Variants in U2SURP observed in about 807,000 individuals in gnomAD.
The protein encoded by U2SURP is U2 snRNP associated SURP domain containing.
Under a neutral mutation model 144.9 loss-of-function variants are expected in U2SURP, and 9 were observed. The observed-to-expected ratio is 0.06, with a 90% CI of 0.04 to 0.11. The LOEUF (loss-of-function observed/expected upper bound fraction) is 0.11. U2SURP is among the 10% of genes least tolerant of loss of function. The pLI, the probability that U2SURP is intolerant of heterozygous loss-of-function variation, is 1.00. For synonymous variants in U2SURP, 408 were observed against 396.8 expected (o/e 1.03, Z -0.33); for missense variants, 724 against 1,226.7 (o/e 0.59, Z 6.12).
intron 2 of U2SURP, chr3:143,012,010 T>C (rs1285571533): frequency 1.5e-6 from 1 of 677,808 alleles, no homozygotes. Flanking sequence ...GTTACCAATA[T>C]AAAATTCAAG....
At chr3:143,046,019 T>A (rs1475767622) in intron 24 of U2SURP, among the ~76,000 whole-genome samples, 1 of 152,202 alleles carries the variant, frequency 6.6e-6, no homozygotes. Flanking sequence ...AACCCTTTTA[T>A]TGGAGAACCA....
intron 25 of U2SURP, among the ~76,000 whole-genome samples, chr3:143,051,695 T>C (rs1464976931): frequency 6.7e-6 from 1 of 150,104 alleles, no homozygotes; most frequent in East Asian, 2.0e-4. Flanking sequence ...TTACAATCAC[T>C]ATAAAGCTGT....
intron 19 of U2SURP, among the ~76,000 whole-genome samples, chr3:143,035,614 A>G (rs1560194403): frequency 6.6e-6 from 1 of 152,170 alleles, no homozygotes; most frequent in South Asian, 2.1e-4. Flanking sequence ...TTATTGGACC[A>G]TAAGGGATTC....
chr3:143,044,059 C>G (rs893892308), intron 24 of U2SURP, among the ~76,000 whole-genome samples: 1 of 151,916 alleles, frequency 6.6e-6, no homozygotes, highest in Non-Finnish European at 1.5e-5. Context: ...GGCAAGAAAT[C>G]CATTTCATCT....
chr3:143,012,421 A>G, intron 3 of U2SURP, 68 bp downstream of exon 3: 5 of 1,393,526 alleles, frequency 3.6e-6, no homozygotes, highest in Non-Finnish European at 4.7e-6. Context: ...TCTTTGACTG[A>G]ATTTAGTGGT....
At chr3:143,011,332 T>G (rs1367352373) in intron 2 of U2SURP, among the ~76,000 whole-genome samples, 1 of 152,172 alleles carries the variant, frequency 6.6e-6, no homozygotes, top group Non-Finnish European at 1.5e-5. Context: ...TCAAGTAACA[T>G]TTTGGATAGA....
chr3:143,005,151 T>C (rs1419867067), intron 1 of U2SURP, among the ~76,000 whole-genome samples: 1 of 148,212 alleles, frequency 6.7e-6, no homozygotes, highest in Non-Finnish European at 1.5e-5. Context: ...CTTTTTTTTT[T>C]TTTTTCTTTT....
rs1403402036 is a variant in U2SURP, at chr3:143,058,083, G to A, written c.*1633G>A. ...TCAGAATAATTAAAAGTGAACATTTGGTGCTGATACTCAAAAACCTACAAA... is the reference window on the plus strand; with the variant it reads ...TCAGAATAATTAAAAGTGAACATTTAGTGCTGATACTCAAAAACCTACAAA... On this transcript the variant is annotated 3_prime_UTR_variant, in exon 28 of 28. Transcript: ENST00000473835. The A allele has an allele frequency of 6.6e-6, 1 of 152,288 alleles. No individual in the cohort carries two copies. The highest frequency in any genetic ancestry group is 2.4e-5 in the African/African-American group (1 of 41,398). The allele number at this position is 152,288 out of a possible 1,614,324, so 9.4% of individuals were successfully genotyped here.
In U2SURP at chr3:143,057,701, A is replaced by T. The variant is rs1395009140; in HGVS notation, c.*1251A>T. ...TCAGTTTTTTATGTAGGCACTTCATACACTGGTTTGATGGGTTTTTTTTTT... is the reference window on the plus strand; with the variant it reads ...TCAGTTTTTTATGTAGGCACTTCATTCACTGGTTTGATGGGTTTTTTTTTT... On this transcript the variant is annotated 3_prime_UTR_variant, in exon 28 of 28. Coordinates refer to ENST00000473835, the MANE Select transcript of U2SURP (RefSeq NM_001080415.2). The T allele has an allele frequency of 6.6e-6, 1 of 151,848 alleles. No individual in the cohort carries two copies. The highest frequency in any genetic ancestry group is 1.5e-5 in the Non-Finnish European group (1 of 67,810). 9.4% of individuals were successfully genotyped at this position (151,848 alleles called of 1,614,324 possible). A position where few individuals can be genotyped will look rare whatever the true frequency, so the allele number is the denominator to read the frequency against.
intron 24 of U2SURP, among the ~76,000 whole-genome samples, chr3:143,047,524 G>A (rs1446079909): frequency 5.3e-5 from 2 of 37,958 alleles, no homozygotes; most frequent in Non-Finnish European, 1.0e-4. Context: ...AGGGGCGGCC[G>A]GGCAGAGGAG....
chr3:143,002,266 C>A (rs1200183524), intron 1 of U2SURP: 2 of 152,230 alleles, frequency 1.3e-5, no homozygotes, highest in African/African-American at 4.9e-5. Context: ...GTGGTCTTTA[C>A]CTTAACGGGA....
In U2SURP at chr3:143,058,195, A is replaced by C. The variant is rs1935235833; in HGVS notation, c.*1745A>C. On this transcript the variant is annotated 3_prime_UTR_variant, in exon 28 of 28. Coordinates refer to ENST00000473835, the MANE Select transcript of U2SURP (RefSeq NM_001080415.2). ...TTATATAACTACCTTTCTTTGCAAA[A>C]ATAACGGTCGTGTCGAGTTGGTGGT... 1 of 152,310 alleles carries C rather than the reference A, an allele frequency of 6.6e-6. No individual in the cohort carries two copies. Among genetic ancestry groups the C allele is most frequent in the East Asian group, 1.9e-4 (1 of 5,202 alleles). 9.4% of individuals were successfully genotyped at this position (152,310 alleles called of 1,614,324 possible). A position where few individuals can be genotyped will look rare whatever the true frequency, so the allele number is the denominator to read the frequency against.
intron 6 of U2SURP, among the ~76,000 whole-genome samples, chr3:143,018,090 A>G (rs924588372): frequency 2.6e-5 from 4 of 152,164 alleles, no homozygotes; most frequent in African/African-American, 9.7e-5. Flanking sequence ...AAAGTGTACA[A>G]TTGAGTGGTT....
intron 21 of U2SURP, 56 bp from the exon 22 acceptor site, chr3:143,038,051 TA>T: frequency 7.8e-7 from 1 of 1,278,408 alleles, no homozygotes; most frequent in Non-Finnish European, 1.1e-6. Context: ...CCCATGAATG[TA>T]ATACTTCGGG....
At chr3:143,017,439 G>A (rs1320028622) in intron 6 of U2SURP, 2 of 151,904 alleles carry the variant, frequency 1.3e-5, no homozygotes, top group Non-Finnish European at 2.9e-5. Context: ...TTCTTTGAGG[G>A]TTTAGTTTTT....
chr3:143,033,186 C>T, intron 17 of U2SURP, 85 bp from the exon 18 acceptor site: 1 of 912,812 alleles, frequency 1.1e-6, no homozygotes, highest in Non-Finnish European at 1.7e-6. Flanking sequence ...CTTCATATAA[C>T]TCTTCTAATT....
In U2SURP at chr3:143,032,816, G is replaced by A; in HGVS notation, c.1643G>A (p.Gly548Glu). ...GATAAATTGGAAGAAATCTTGCGGG[G>A]ATTAACTCCAAGGAAAAATGATATT... ...QRDKLEEILR[G>E]LTPRKNDIGD... The change falls in exon 17 of 28, where the codon GGA becomes GAA. Residue 548 changes from glycine to glutamate, a missense_variant. Around this residue, in one of 13 missense-constraint regions of U2SURP, gnomAD observed 66 missense variants for 95.0 expected, o/e 0.69. Transcript: ENST00000473835. 1 of 1,613,270 alleles carries A rather than the reference G, an allele frequency of 6.2e-7. No individual in the cohort carries two copies. Among genetic ancestry groups the A allele is most frequent in the Non-Finnish European group, 8.5e-7 (1 of 1,179,556 alleles).
At chr3:143,047,917 G>A (rs1405782036) in intron 24 of U2SURP, among the ~76,000 whole-genome samples, 1 of 151,398 alleles carries the variant, frequency 6.6e-6, no homozygotes, top group African/African-American at 2.4e-5. Context: ...GGGGTCAGAA[G>A]CCAGTTCTTA....
chr3:143,012,936 C>T (rs986995889), intron 3 of U2SURP, among the ~76,000 whole-genome samples: 5 of 152,092 alleles, frequency 3.3e-5, no homozygotes, highest in Admixed American at 1.3e-4. Context: ...CAGTATTAAC[C>T]ACTGGTAACA....
Sources: gnomAD v4.1 joint callset for allele counts (sites outside exome capture counted in the v4.1 genomes callset) on GRCh38, gnomAD v4.1.1 for gene constraint, gnomAD v4.1.1 regional missense constraint, MANE v1.5 for transcripts, NCBI Gene and HGNC (gene_info 2026-07-23, HGNC 2026-07-21) for gene names.